The following ATAD2B variants were observed in gnomAD, a reference collection of about 807,000 sequenced individuals.
The protein encoded by ATAD2B is ATPase family AAA domain containing 2B, also known as ATPase family AAA domain-containing protein 2B.
ATAD2B carries 40 observed loss-of-function variants against 167.6 expected under a neutral mutation model. The ratio of observed to expected loss-of-function variants is 0.24; its 90% CI spans 0.19 to 0.31. ATAD2B has a LOEUF of 0.31. Ranked by LOEUF, ATAD2B falls within the 10% of genes least tolerant of loss-of-function variation. The pLI, the probability that ATAD2B is intolerant of heterozygous loss-of-function variation, is 1.00. For missense variants in ATAD2B, 1,242 were observed against 1,757.2 expected, an observed-to-expected ratio of 0.71 and a Z score of 5.24; for synonymous variants, 579 against 596.5, an observed-to-expected ratio of 0.97 and a Z score of 0.43.
chr2:23,926,955 G>A lies in ATAD2B; in HGVS notation c.-185C>T, dbSNP rs1269073650. 2 of 664,362 alleles carry A rather than the reference G, an allele frequency of 3.0e-6. No individual in the cohort carries two copies. The highest frequency in any genetic ancestry group is 3.8e-5 in the Admixed American group (1 of 26,284). 41.2% of individuals were successfully genotyped at this position (664,362 alleles called of 1,614,324 possible). A position where few individuals can be genotyped will look rare whatever the true frequency, so the allele number is the denominator to read the frequency against. On this transcript the variant is annotated 5_prime_UTR_variant, in exon 1 of 28. Transcript: ENST00000238789. The stretch of plus-strand genomic sequence containing the variant: ...AGAGGAAGGGAAGTCGGCGTGAGCA[G>A]GCGGCGTGCGGGAAGCGGGGGCGGT...
intron 15 of ATAD2B, among the ~76,000 whole-genome samples, chr2:23,825,109 ATT>A (rs70941593): frequency 1.3e-4 from 15 of 111,496 alleles, no homozygotes; most frequent in East Asian, 2.7e-4. Flanking sequence ...CATCAGGCTA[ATT>A]TTTTTTTTTT....
At chr2:23,765,701 T>C (rs772691155) in intron 22 of ATAD2B, 73 bp from the exon 23 acceptor site, 47 of 1,024,288 alleles carry the variant, frequency 4.6e-5, no homozygotes, top group Non-Finnish European at 5.9e-5. Context: ...TCTTAAAAAG[T>C]AAAAGAATAC....
intron 1 of ATAD2B, among the ~76,000 whole-genome samples, chr2:23,909,188 A>C (rs1374396867): frequency 2.6e-5 from 4 of 151,928 alleles, no homozygotes; most frequent in African/African-American, 9.7e-5. Flanking sequence ...GAAAAAAAAG[A>C]AATATTAGCC....
chr2:23,880,990 G>T (rs1431128792), intron 6 of ATAD2B, among the ~76,000 whole-genome samples: 5 of 152,134 alleles, frequency 3.3e-5, no homozygotes, highest in African/African-American at 1.2e-4. Flanking sequence ...AAATTAATAT[G>T]ATCATATTTT....
chr2:23,685,939 C>T, the ATAD2B span, among the ~76,000 whole-genome samples: 1 of 152,204 alleles, frequency 6.6e-6, no homozygotes, highest in Non-Finnish European at 1.5e-5. Flanking sequence ...CAGTGCTGAG[C>T]GGCAGCCTAG....
chr2:23,691,904 T>TG, the ATAD2B span: 6 of 1,542,974 alleles, frequency 3.9e-6, no homozygotes, highest in South Asian at 4.8e-5. Flanking sequence ...ATATGTCGCT[T>TG]GGGGGGAAGA....
At chr2:23,864,962 T>G in intron 10 of ATAD2B, 38 bp from the exon 11 acceptor site, 2 of 1,173,538 alleles carry the variant, frequency 1.7e-6, no homozygotes, top group Non-Finnish European at 2.4e-6. Context: ...TCAAACAATT[T>G]TATATGTTTT....
Position 23,752,033 on chromosome 2 carries a change from C to G in ATAD2B, c.*13G>C, listed in dbSNP as rs1675401891. On this transcript the variant is annotated 3_prime_UTR_variant, in exon 28 of 28. Transcript: ENST00000238789. ...AGCAGATTGGAGAGGATAAACCACT[C>G]ATCTTGAAAAGTTCATAGGAATGTC... 1 of 1,555,106 alleles carries G rather than the reference C, an allele frequency of 6.4e-7. No homozygotes were observed. Among genetic ancestry groups the G allele is most frequent in the South Asian group, 1.2e-5 (1 of 84,604 alleles).
rs974479899 is a variant in ATAD2B, at chr2:23,752,227, C to T, written c.4336-140G>A. ...TTTGAATATTTTCCTGATTATAATA[C>T]CATAGGTAATTAAGACTATCTCCCC... On this transcript the variant is annotated intron_variant, in intron 27 of 27. Coordinates refer to ENST00000238789, the MANE Select transcript of ATAD2B (RefSeq NM_017552.4). The T allele has an allele frequency of 4.6e-6, 3 of 656,696 alleles. No individual in the cohort carries two copies. The African/African-American group carries it at 5.5e-5, about 12-fold the overall frequency. 40.7% of individuals were successfully genotyped at this position (656,696 alleles called of 1,614,324 possible).
the ATAD2B span, among the ~76,000 whole-genome samples, chr2:23,739,928 C>T: frequency 3.2e-4 from 49 of 152,142 alleles, no homozygotes; most frequent in Admixed American, 1.2e-3. Flanking sequence ...AACACCTCTA[C>T]GCAAATAAAC....
chr2:23,876,308 CT>C lies in ATAD2B; in HGVS notation c.902-405del, dbSNP rs1324917510. ...GGCCCAGCCCTGTTAACTTTTTTTT[CT>C]TTTTTTTTTTGATACAGAGTCTCAC... On this transcript the variant is annotated intron_variant, in intron 7 of 27. Coordinates refer to ENST00000238789, the MANE Select transcript of ATAD2B (RefSeq NM_017552.4). Among the ~76,000 whole-genome samples the C allele has an allele frequency of 1.7e-3, 233 of 134,376 alleles. 1 individual carries two copies. Among genetic ancestry groups the C allele is most frequent in the African/African-American group, 4.6e-3 (168 of 36,570 alleles). 88.2% of individuals were successfully genotyped at this position (134,376 alleles called of 152,430 possible).
At chr2:23,852,713 G>A (rs2675360) in intron 13 of ATAD2B, among the ~76,000 whole-genome samples, 6,637 of 152,144 alleles carry the variant, frequency 0.044, 147 homozygotes, top group African/African-American at 0.049. Context: ...GAGGTCAGGC[G>A]TTCAAGACAA....
chr2:23,782,490 A>G (rs997311359), intron 22 of ATAD2B, among the ~76,000 whole-genome samples: 1 of 152,222 alleles, frequency 6.6e-6, no homozygotes, highest in Non-Finnish European at 1.5e-5. Flanking sequence ...TAAAGAACAG[A>G]TAACATTCCA....
intron 13 of ATAD2B, among the ~76,000 whole-genome samples, chr2:23,842,283 T>G (rs530443918): frequency 6.6e-6 from 1 of 152,318 alleles, no homozygotes; most frequent in Admixed American, 6.5e-5. Context: ...GTTTCTATTT[T>G]ACTAATGATT....
intron 1 of ATAD2B, among the ~76,000 whole-genome samples, chr2:23,909,378 C>A (rs983805980): frequency 2.6e-5 from 4 of 151,582 alleles, no homozygotes; most frequent in Non-Finnish European, 4.4e-5. Flanking sequence ...CACTGCACTC[C>A]AGCCTGGGTG....
At chr2:23,863,633 C>G in intron 11 of ATAD2B, 78 bp from the exon 12 acceptor site, 1 of 1,277,174 alleles carries the variant, frequency 7.8e-7, no homozygotes, top group Admixed American at 2.8e-5. Context: ...AATGTCCCCC[C>G]CTTCCATATA....
chr2:23,848,407 G>C (rs1045839797), intron 13 of ATAD2B, among the ~76,000 whole-genome samples: 4 of 152,172 alleles, frequency 2.6e-5, no homozygotes, highest in Non-Finnish European at 4.4e-5. Flanking sequence ...TTGAACCCGG[G>C]AGGCAGAGGT....
intron 1 of ATAD2B, among the ~76,000 whole-genome samples, chr2:23,924,110 G>C (rs1704360825): frequency 6.6e-6 from 1 of 152,030 alleles, no homozygotes; most frequent in Non-Finnish European, 1.5e-5. Flanking sequence ...GTGAACCCCG[G>C]GGGGCGGAGC....
At chr2:23,823,641 T>C (rs1687805662) in intron 15 of ATAD2B, 72 bp from the exon 16 acceptor site, 6 of 1,332,490 alleles carry the variant, frequency 4.5e-6, no homozygotes, top group Middle Eastern at 2.6e-4. Context: ...TTTGTAAATA[T>C]ACACATCTTT....
Sources: allele counts gnomAD v4.1 joint callset (sites outside exome capture counted in the v4.1 genomes callset), GRCh38; gene constraint gnomAD v4.1.1; transcripts MANE v1.5; gene names NCBI Gene and HGNC (gene_info 2026-07-23, HGNC 2026-07-21).